The following OCIAD1 variants were observed in gnomAD, a reference collection of about 807,000 sequenced individuals.
The protein encoded by OCIAD1 is OCIA domain containing 1.
Under a neutral mutation model 38.9 loss-of-function variants are expected in OCIAD1, and 29 were observed. The observed-to-expected ratio is 0.74, with a 90% CI of 0.55 to 1.02. The LOEUF (loss-of-function observed/expected upper bound fraction) is 1.02, where lower values mean the gene tolerates loss of function less well. Among genes scored for constraint, OCIAD1 ranks in the 50% least tolerant of loss-of-function variants. The pLI is 0.00. For synonymous variants in OCIAD1, 110 were observed against 92.0 expected, an observed-to-expected ratio of 1.20 and a Z score of -1.12; for missense variants, 288 against 289.6, an observed-to-expected ratio of 0.99 and a Z score of 0.04.
intron 3 of OCIAD1, among the ~76,000 whole-genome samples, chr4:48,834,028 A>T (rs1261312827): frequency 6.6e-6 from 1 of 152,174 alleles, no homozygotes; most frequent in Non-Finnish European, 1.5e-5. Context: ...GTATATATAT[A>T]TATCAAGATT....
intron 7 of OCIAD1, 22 bp from the exon 8 acceptor site, chr4:48,857,191 T>C (rs748626409): frequency 8.2e-6 from 12 of 1,471,984 alleles, no homozygotes; most frequent in African/African-American, 2.9e-5. Context: ...TATTACCATT[T>C]ATTAACTGTT....
upstream of OCIAD1, among the ~76,000 whole-genome samples, chr4:48,828,059 G>A (rs544358627): frequency 6.6e-6 from 1 of 152,236 alleles, no homozygotes; most frequent in South Asian, 2.1e-4. Context: ...GTTTGTAAAT[G>A]CACCAATCAG....
chr4:48,843,027 C>T (rs1156447848), intron 4 of OCIAD1, among the ~76,000 whole-genome samples: 3 of 152,112 alleles, frequency 2.0e-5, no homozygotes, highest in Admixed American at 6.6e-5. Flanking sequence ...GACCAGGAGT[C>T]TGTGTTTTAA....
chr4:48,842,631 T>C lies in OCIAD1; in HGVS notation c.140-5T>C, dbSNP rs757997019. On this transcript the variant is annotated splice_region_variant and splice_polypyrimidine_tract_variant and intron_variant, in intron 3 of 8. Coordinates refer to ENST00000264312, the MANE Select transcript of OCIAD1 (RefSeq NM_017830.4). ...GATGTTAACAAGGTCTTTTTCTTCC[T>C]ATAGCTGTGCCTTTGGCTGCAACAA... The C allele has an allele frequency of 1.3e-6, 2 of 1,566,902 alleles. No homozygotes were observed. The highest frequency in any genetic ancestry group is 1.7e-6 in the Non-Finnish European group (2 of 1,156,160).
At chr4:48,851,696 A>G (rs1359068645) in intron 6 of OCIAD1, 110 bp from the exon 7 acceptor site, 1 of 508,196 alleles carries the variant, frequency 2.0e-6, no homozygotes, top group African/African-American at 2.0e-5. Flanking sequence ...AAAAAATTAT[A>G]TGTATATATA....
At chr4:48,848,752 A>G (rs1249336865) in intron 5 of OCIAD1, 1 of 189,272 alleles carries the variant, frequency 5.3e-6, no homozygotes. Context: ...AAACAAAGTT[A>G]TGAAGATATT....
At chr4:48,817,363 A>C (rs1046402364) in intron 1 of OCIAD1, among the ~76,000 whole-genome samples, 40 of 152,020 alleles carry the variant, frequency 2.6e-4, no homozygotes, top group African/African-American at 9.2e-4. Flanking sequence ...TAGCTGTAGA[A>C]GTATTTTTTC....
Position 48,851,981 on chromosome 4 carries a change from A to G in OCIAD1, c.547+6A>G. ...TACTGATCATATTGTCCAAGGTAGA[A>G]ACTTCTCTTGAAATGAATTTCAACA... On this transcript the variant is annotated splice_donor_region_variant and intron_variant, in intron 7 of 8. Transcript: ENST00000264312. The G allele has an allele frequency of 6.3e-7, 1 of 1,585,856 alleles. No homozygotes were observed. Among genetic ancestry groups the G allele is most frequent in the Non-Finnish European group, 8.6e-7 (1 of 1,165,920 alleles).
chr4:48,848,404 CT>C lies in OCIAD1; in HGVS notation c.202del (p.Ser68GlnfsTer28). The C allele has an allele frequency of 1.4e-6, 2 of 1,481,282 alleles. No homozygotes were observed. Among genetic ancestry groups the C allele is most frequent in the East Asian group, 2.3e-5 (1 of 43,614 alleles). The allele number at this position is 1,481,282 out of a possible 1,614,324, so 91.8% of individuals were successfully genotyped here. ...TACTTAACTCTTTTCTTTAGGAATA[CT>C]TTCAAGTCATCCCAAATATGGTTCC... ...ITQGLISKGI[L>X]SSHPKYGSIP... On this transcript the variant is annotated frameshift_variant, in exon 5 of 9. Coordinates refer to ENST00000264312, the MANE Select transcript of OCIAD1 (RefSeq NM_017830.4). LOFTEE classifies it high-confidence loss of function.
chr4:48,860,755 A>G lies in OCIAD1; in HGVS notation c.731A>G (p.Asp244Gly), dbSNP rs757644652. ...GTAAACAAGTATGGAGATACTTGGG[A>G]TGAGTGAAAAATTACATCATTGGAC... The part of the protein sequence containing the change: ...VKVNKYGDTW[D>G]E The change falls in exon 9 of 9, where the codon GAT (aspartate) becomes GGT (glycine). Residue 244 changes from aspartate to glycine, a missense_variant. Transcript: ENST00000264312. 1.2e-6 allele frequency: 2 copies of G among 1,605,690 alleles called. No individual in the cohort carries two copies. The highest frequency in any genetic ancestry group is 1.1e-5 in the South Asian group (1 of 90,416).
At chr4:48,848,288 C>CT in intron 4 of OCIAD1, 111 bp from the exon 5 acceptor site, 3 of 568,446 alleles carry the variant, frequency 5.3e-6, no homozygotes, top group Non-Finnish European at 9.4e-6. Context: ...GTCTAGGGTT[C>CT]TGTAGGATCA....
chr4:48,845,079 CCTT>C (rs139766098), intron 4 of OCIAD1, among the ~76,000 whole-genome samples: 2,292 of 152,100 alleles, frequency 0.015, 32 homozygotes, highest in Non-Finnish European at 0.022. Context: ...CTTAGATGTT[CCTT>C]CTGTTTCTTC....
chr4:48,815,157 C>T (rs978645814), intron 1 of OCIAD1, among the ~76,000 whole-genome samples: 2 of 152,006 alleles, frequency 1.3e-5, no homozygotes, highest in African/African-American at 4.8e-5. Flanking sequence ...ACTAAAAATA[C>T]AAAAAATTAC....
chr4:48,808,939 CCTCTTT>C (rs1777058822), intron 1 of OCIAD1, among the ~76,000 whole-genome samples: 7 of 152,166 alleles, frequency 4.6e-5, no homozygotes, highest in Admixed American at 4.6e-4. Flanking sequence ...TTGTCCTCTT[CCTCTTT>C]AACAACCCTC....
intron 7 of OCIAD1, chr4:48,852,271 C>T (rs1779553476): frequency 4.1e-6 from 1 of 242,968 alleles, no homozygotes; most frequent in African/African-American, 2.2e-5. Flanking sequence ...TAGTATGTCC[C>T]AGTAATTGAA....
At chr4:48,832,569 A>T in intron 1 of OCIAD1, 51 bp from the exon 2 acceptor site, 2 of 1,340,960 alleles carry the variant, frequency 1.5e-6, no homozygotes, top group Non-Finnish European at 2.1e-6. Context: ...ATTTACTTTG[A>T]CCTATCTAGT....
chr4:48,849,712 T>C (rs1461676496), intron 5 of OCIAD1, among the ~76,000 whole-genome samples: 1 of 152,238 alleles, frequency 6.6e-6, no homozygotes, highest in Admixed American at 6.5e-5. Context: ...GATTTATTTA[T>C]AGCAGCTTTA....
Position 48,851,904 on chromosome 4 carries a change from A to G in OCIAD1, c.476A>G (p.Tyr159Cys), listed in dbSNP as rs1779514988. ...GACAACATAGAAATGCTTCCTCATT[A>G]TGAGCCAATTCCATTCAGTTCTTCT... ...AADNIEMLPH[Y>C]EPIPFSSSMN... The change falls in exon 7 of 9, where the codon TAT (tyrosine) becomes TGT (cysteine). Residue 159 changes from tyrosine (Y) to cysteine (C), a missense_variant. Tyr to Cys is a radical substitution (Grantham distance 194). Coordinates refer to ENST00000264312, the MANE Select transcript of OCIAD1 (RefSeq NM_017830.4). The G allele has an allele frequency of 2.5e-6, 4 of 1,611,608 alleles. No homozygotes were observed. Among genetic ancestry groups the G allele is most frequent in the Non-Finnish European group, 3.4e-6 (4 of 1,177,886 alleles).
At chr4:48,826,545 T>A (rs562431337), upstream of OCIAD1, among the ~76,000 whole-genome samples, 38 of 152,320 alleles carry the variant, frequency 2.5e-4, no homozygotes, top group Non-Finnish European at 5.0e-4. Context: ...TTCTCTTTAG[T>A]GGTTCTTTCC....
Sources: allele counts gnomAD v4.1 joint callset (sites outside exome capture counted in the v4.1 genomes callset), GRCh38; gene constraint gnomAD v4.1.1; transcripts MANE v1.5; gene names NCBI Gene and HGNC (gene_info 2026-07-23, HGNC 2026-07-21).